The following UTP18 variants were observed in gnomAD, a reference collection of about 807,000 sequenced individuals.
UTP18 encodes UTP18 small subunit processome component.
In UTP18, 36 loss-of-function variants were observed where a neutral mutation model predicts 61.1. The observed-to-expected ratio is 0.59, with a 90% CI of 0.45 to 0.78. UTP18 has a LOEUF of 0.78. UTP18 is among the 30% of genes least tolerant of loss of function. UTP18 has a pLI of 0.00. For missense variants in UTP18, 753 were observed against 693.9 expected (o/e 1.09, Z -0.96); for synonymous variants, 282 against 251.1 (o/e 1.12, Z -1.16).
intron 3 of UTP18, among the ~76,000 whole-genome samples, chr17:51,267,891 A>G (rs1904350847): frequency 6.6e-6 from 1 of 151,318 alleles, no homozygotes; most frequent in Non-Finnish European, 1.5e-5. Context: ...CCAGGTTTCT[A>G]GTTGTTTATG....
At chr17:51,292,044 C>T (rs933264979) in intron 11 of UTP18, among the ~76,000 whole-genome samples, 1 of 152,146 alleles carries the variant, frequency 6.6e-6, no homozygotes, top group Admixed American at 6.5e-5. Flanking sequence ...TACAAACTTA[C>T]AATAACCCAA....
At chr17:51,286,893 T>G (rs1905132587) in intron 10 of UTP18, among the ~76,000 whole-genome samples, 1 of 152,168 alleles carries the variant, frequency 6.6e-6, no homozygotes, top group African/African-American at 2.4e-5. Context: ...TTGTTACATA[T>G]GTATACATGT....
chr17:51,280,542 G>A (rs1347722963), intron 9 of UTP18, 63 bp downstream of exon 9: 39 of 1,517,320 alleles, frequency 2.6e-5, no homozygotes, highest in South Asian at 2.0e-4. Flanking sequence ...GGCCAGGCGC[G>A]GTGGCTCACG....
chr17:51,283,989 C>T (rs1380715389), intron 9 of UTP18, among the ~76,000 whole-genome samples: 1 of 152,200 alleles, frequency 6.6e-6, no homozygotes, highest in Non-Finnish European at 1.5e-5. Flanking sequence ...GATGTTCTTG[C>T]TTTTGATCTC....
In UTP18 at chr17:51,260,683, G is replaced by C; in HGVS notation, c.99G>C (p.Ala33=). Residue 33 remains alanine (A), a synonymous_variant, in exon 1 of 14, where the codon GCG becomes GCC. Coordinates refer to ENST00000225298, the MANE Select transcript of UTP18 (RefSeq NM_016001.3). The stretch of plus-strand genomic sequence containing the variant: ...TGAGGCCGGACTGGAAAGCCGGAGC[G>C]GGGCCAGGCGGGCCTCCCCAAAAGC... ...PGMRPDWKAG[A]GPGGPPQKPA... The C allele has an allele frequency of 6.2e-7, 1 of 1,608,634 alleles. No individual in the cohort carries two copies. The highest frequency in any genetic ancestry group is 1.3e-5 in the African/African-American group (1 of 74,994).
intron 3 of UTP18, among the ~76,000 whole-genome samples, chr17:51,268,293 T>C (rs1428290081): frequency 6.6e-6 from 1 of 152,226 alleles, no homozygotes; most frequent in Non-Finnish European, 1.5e-5. Flanking sequence ...CCCAAAGTGC[T>C]GGGATTACAG....
At chr17:51,268,986 A>T (rs370905981) in intron 4 of UTP18, 82 bp downstream of exon 4, 17 of 1,418,932 alleles carry the variant, frequency 1.2e-5, no homozygotes, top group Middle Eastern at 1.8e-4. Flanking sequence ...TATGAGGCTC[A>T]TTAAAACCTG....
rs766635231 is a variant in UTP18 at position 51,268,007 on chromosome 17, G to GTTTTTTTTTTT, written c.555-824_555-823insTTTTTTTTTTT. 1.1e-4 allele frequency among the ~76,000 whole-genome samples: 14 copies of GTTTTTTTTTTT among 130,602 alleles called. 1 individual carries two copies. Among genetic ancestry groups the GTTTTTTTTTTT allele is most frequent in the African/African-American group, 3.9e-4 (13 of 33,068 alleles). 85.7% of individuals were successfully genotyped at this position (130,602 alleles called of 152,430 possible). A position where few individuals can be genotyped will look rare whatever the true frequency, so the allele number is the denominator to read the frequency against. On this transcript the variant is annotated intron_variant, in intron 3 of 13. Transcript: ENST00000225298. Reference sequence around the variant, plus strand: ...ACCAGTTGTTGTTTTTTTGTTTTTTGTTTTTTGTTTTTTTTTTTTTGAGAT... The same window carrying GTTTTTTTTTTT: ...ACCAGTTGTTGTTTTTTTGTTTTTTGTTTTTTTTTTTTTTTTTGTTTTTTTTTTTTTGAGAT...
chr17:51,282,932 G>A (rs1279972500), intron 9 of UTP18, among the ~76,000 whole-genome samples: 3 of 140,236 alleles, frequency 2.1e-5, no homozygotes, highest in Non-Finnish European at 3.0e-5. Flanking sequence ...GCAGTGGCAC[G>A]ATCTCGGCTC....
intron 11 of UTP18, among the ~76,000 whole-genome samples, chr17:51,290,416 A>T (rs948353288): frequency 6.6e-6 from 1 of 152,132 alleles, no homozygotes; most frequent in African/African-American, 2.4e-5. Flanking sequence ...AGTCTGTCTC[A>T]AAAACAACAA....
intron 7 of UTP18, 137 bp downstream of exon 7, chr17:51,277,441 C>A: frequency 1.0e-6 from 1 of 1,005,000 alleles, no homozygotes; most frequent in Non-Finnish European, 1.4e-6. Flanking sequence ...TGGAAAATGT[C>A]TTTGTGCTTT....
At chr17:51,294,873 T>A (rs538157857) in intron 12 of UTP18, among the ~76,000 whole-genome samples, 1 of 152,328 alleles carries the variant, frequency 6.6e-6, no homozygotes, top group African/African-American at 2.4e-5. Flanking sequence ...TGTTGTTTCC[T>A]GACTTTTTAA....
In UTP18 at chr17:51,263,255, G is replaced by A; in HGVS notation, c.343-19G>A. ...GGATAGGAAAATCTCAGTGCTTGAGGGTGTTTTGTCTGCTGTAGGTTCAAG... is the reference window on the plus strand; with the variant it reads ...GGATAGGAAAATCTCAGTGCTTGAGAGTGTTTTGTCTGCTGTAGGTTCAAG... On this transcript the variant is annotated intron_variant, in intron 1 of 13. Coordinates refer to ENST00000225298, the MANE Select transcript of UTP18 (RefSeq NM_016001.3). The A allele has an allele frequency of 6.2e-7, 1 of 1,605,168 alleles. No homozygotes were observed. Among genetic ancestry groups the A allele is most frequent in the African/African-American group, 1.3e-5 (1 of 74,836 alleles).
At chr17:51,264,803 C>G (rs1217255021) in intron 2 of UTP18, among the ~76,000 whole-genome samples, 1 of 151,956 alleles carries the variant, frequency 6.6e-6, no homozygotes, top group Non-Finnish European at 1.5e-5. Flanking sequence ...CTGCTTCAGC[C>G]TCCCAAGTAG....
Position 51,262,102 on chromosome 17 carries a change from T to TA in UTP18, c.343-1172_343-1171insA, listed in dbSNP as rs551139634. On this transcript the variant is annotated intron_variant, in intron 1 of 13. Transcript: ENST00000225298. ...TGGTCTAGGTTTAGATTTTTTTTTT[T>TA]TTTTAGACTCGCCCTGTCGCCCAGG... Among the ~76,000 whole-genome samples, 44 of 152,154 alleles carry TA rather than the reference T, an allele frequency of 2.9e-4. No homozygotes were observed. In the South Asian group the frequency reaches 7.9e-3, roughly 27 times the overall value.
rs756319201 is a variant in UTP18 at position 51,280,474 on chromosome 17, C to T, written c.1199C>T (p.Ser400Phe). Reference sequence around the variant, plus strand: ...TCAGATAGTAAGAAAGTATACGCCTCTTCGGGTAAGACAACGACATGAAAG... The same window carrying T: ...TCAGATAGTAAGAAAGTATACGCCTTTTCGGGTAAGACAACGACATGAAAG... ...FSSDSKKVYA[S>F]SGDGEVYVWD... Residue 400 changes from serine (S) to phenylalanine (F), a missense_variant, in exon 9 of 14, where the codon TCT becomes TTT. Coordinates refer to ENST00000225298, the MANE Select transcript of UTP18 (RefSeq NM_016001.3). The T allele has an allele frequency of 4.3e-6, 7 of 1,613,822 alleles. No homozygotes were observed. The highest frequency in any genetic ancestry group is 1.1e-5 in the South Asian group (1 of 91,006).
At chr17:51,268,978 T>C (rs769101241) in intron 4 of UTP18, 74 bp downstream of exon 4, 6 of 1,452,980 alleles carry the variant, frequency 4.1e-6, no homozygotes, top group East Asian at 2.3e-5. Flanking sequence ...AGCTTTCTTA[T>C]GAGGCTCATT....
intron 9 of UTP18, among the ~76,000 whole-genome samples, chr17:51,281,064 G>C (rs974563049): frequency 2.0e-5 from 3 of 151,158 alleles, no homozygotes; most frequent in African/African-American, 7.3e-5. Flanking sequence ...TGTAATCCCA[G>C]CTAGTTGGGA....
intron 11 of UTP18, among the ~76,000 whole-genome samples, chr17:51,288,829 C>T (rs931326231): frequency 3.3e-5 from 5 of 152,064 alleles, no homozygotes; most frequent in Admixed American, 6.6e-5. Flanking sequence ...GAGTAAAGTC[C>T]GGAGGAAACC....
Sources: allele counts gnomAD v4.1 joint callset (sites outside exome capture counted in the v4.1 genomes callset), GRCh38; gene constraint gnomAD v4.1.1; transcripts MANE v1.5; gene names NCBI Gene and HGNC (gene_info 2026-07-23, HGNC 2026-07-21).